PDZD2: variants seen among roughly 807,000 people sequenced by gnomAD.
The protein encoded by PDZD2 is PDZ domain containing 2, also known as PDZ domain-containing protein 2.
In PDZD2, 90 loss-of-function variants were observed where a neutral mutation model predicts 220.7. That is an observed-to-expected ratio of 0.41 (90% confidence interval 0.34 to 0.49). PDZD2 has a LOEUF of 0.49. Among genes scored for constraint, PDZD2 ranks in the 20% least tolerant of loss-of-function variants. The probability of loss-of-function intolerance (pLI) is 0.28; values close to 1 mark genes in which losing one functional copy is unlikely to be tolerated. For synonymous variants in PDZD2, 1,375 were observed against 1,450.5 expected (o/e 0.95, Z 1.18); for missense variants, 3,174 against 3,608.5 (o/e 0.88, Z 3.08).
intron 2 of PDZD2, among the ~76,000 whole-genome samples, chr5:31,916,392 T>C (rs1382314219): frequency 6.6e-6 from 1 of 152,212 alleles, no homozygotes; most frequent in African/African-American, 2.4e-5. Context: ...CAGTCAGGTG[T>C]AGAGGCCTGG....
intron 1 of PDZD2, among the ~76,000 whole-genome samples, chr5:31,681,526 G>A (rs1297050457): frequency 6.6e-6 from 1 of 151,924 alleles, no homozygotes; most frequent in African/African-American, 2.4e-5. Context: ...AGGATTACAG[G>A]CGTGAGCCTA....
At chr5:32,032,416 C>T (rs771569937) in intron 6 of PDZD2, among the ~76,000 whole-genome samples, 6 of 152,178 alleles carry the variant, frequency 3.9e-5, no homozygotes, top group East Asian at 1.9e-4. Flanking sequence ...TTCACTCTCT[C>T]GGTCGTTCCT....
At chr5:31,669,559 C>A (rs1746134996) in intron 1 of PDZD2, among the ~76,000 whole-genome samples, 1 of 152,144 alleles carries the variant, frequency 6.6e-6, no homozygotes, top group African/African-American at 2.4e-5. Context: ...CAAAGTGAAG[C>A]CTGCAAGGGG....
intron 2 of PDZD2, among the ~76,000 whole-genome samples, chr5:31,964,997 C>T (rs549292574): frequency 1.3e-5 from 2 of 152,308 alleles, no homozygotes; most frequent in South Asian, 4.1e-4. Context: ...GCTGGGATTA[C>T]AGGCATGAGC....
intron 1 of PDZD2, among the ~76,000 whole-genome samples, chr5:31,775,682 T>TGTGTGTGTGTGA (rs1752601333): frequency 1.3e-5 from 2 of 151,238 alleles, no homozygotes; most frequent in South Asian, 4.2e-4. Context: ...TGTGTGTGTG[T>TGTGTGTGTGTGA]GTGTGTGTGT....
chr5:31,881,189 C>T (rs896331323), intron 2 of PDZD2, among the ~76,000 whole-genome samples: 1 of 151,962 alleles, frequency 6.6e-6, no homozygotes, highest in African/African-American at 2.4e-5. Flanking sequence ...ATCTTTTTCT[C>T]TGTGGTCTAG....
At chr5:31,731,650 G>C (rs1006583505) in intron 1 of PDZD2, among the ~76,000 whole-genome samples, 1 of 152,062 alleles carries the variant, frequency 6.6e-6, no homozygotes, top group Admixed American at 6.6e-5. Flanking sequence ...TAATGTTGTC[G>C]TCTGTGTTGT....
chr5:31,781,199 A>G (rs1016209298), intron 1 of PDZD2, among the ~76,000 whole-genome samples: 1 of 152,322 alleles, frequency 6.6e-6, no homozygotes, highest in African/African-American at 2.4e-5. Flanking sequence ...AGATCACTTG[A>G]GGTCAGGAGT....
At chr5:31,713,766 C>T (rs959886461) in intron 1 of PDZD2, among the ~76,000 whole-genome samples, 1 of 152,190 alleles carries the variant, frequency 6.6e-6, no homozygotes, top group Non-Finnish European at 1.5e-5. Context: ...AGGCTGGTCT[C>T]AAACACCTGA....
Position 32,090,586 on chromosome 5 carries a change from G to A in PDZD2, c.7138G>A (p.Gly2380Arg), listed in dbSNP as rs369941121. The change falls in exon 20 of 25, where the codon GGG becomes AGG. Residue 2380 changes from glycine to arginine, a missense_variant. Physicochemically the swap from Gly to Arg is moderately radical, Grantham distance 125. Transcript: ENST00000438447. The surrounding 1 kb of genome is among the most constrained non-coding windows in gnomAD (Gnocchi z 4.3). ...GCGGTCTTCCGGCAGCATTGTTTCC[G>A]GGAGCCTGGGCCACCCAGGTGACGC... ...GRRSSGSIVS[G>R]SLGHPGDAAA... 44 of 1,613,794 alleles carry A rather than the reference G, an allele frequency of 2.7e-5. No individual in the cohort carries two copies. In the South Asian group the frequency reaches 3.7e-4, roughly 14 times the overall value.
Position 32,089,716 on chromosome 5 carries a change from C to T in PDZD2, c.6268C>T (p.Leu2090=), listed in dbSNP as rs114875003. 13,752 of 1,614,178 alleles carry T rather than the reference C, an allele frequency of 8.5e-3. 95 individuals carry two copies. Among genetic ancestry groups the T allele is most frequent in the Middle Eastern group, 0.04 (244 of 6,062 alleles). ...ASDRLERTNQ[L]KIVEISAEAV... is the part of the protein sequence containing the mutation. ...CGATCGCCTCGAAAGAACAAACCAGCTGAAAATCGTGGAGATTTCTGCTGA... is the reference window on the plus strand; with the variant it reads ...CGATCGCCTCGAAAGAACAAACCAGTTGAAAATCGTGGAGATTTCTGCTGA... Residue 2090 remains leucine, a synonymous_variant, in exon 20 of 25, where the codon CTG becomes TTG. Coordinates refer to ENST00000438447, the MANE Select transcript of PDZD2 (RefSeq NM_178140.4).
chr5:31,831,910 TCA>T (rs1491480341), intron 2 of PDZD2, among the ~76,000 whole-genome samples: 1 of 32,940 alleles, frequency 3.0e-5, no homozygotes. Flanking sequence ...TGAGACTGTT[TCA>T]AAAAAAAAAA....
rs1745189789 is a variant in PDZD2, at chr5:32,109,694, G to A, written c.*1559G>A. ...GTGCATTTGCCATACCTGTGTGCAT[G>A]ACACTAAGATTTTATGTTGGAGATA... On this transcript the variant is annotated 3_prime_UTR_variant, in exon 25 of 25. Transcript: ENST00000438447. The A allele has an allele frequency of 6.6e-6, 1 of 152,226 alleles. No individual in the cohort carries two copies. The highest frequency in any genetic ancestry group is 6.5e-5 in the Admixed American group (1 of 15,284). 9.4% of individuals were successfully genotyped at this position (152,226 alleles called of 1,614,324 possible).
At position 31,706,712 on chromosome 5, in the gene PDZD2, C is replaced by T. The variant is rs188129491; in HGVS notation, c.-361+67275C>T. Among the ~76,000 whole-genome samples, 626 of 151,966 alleles carry T rather than the reference C, an allele frequency of 4.1e-3. 2 individuals carry two copies. Among genetic ancestry groups the T allele is most frequent in the Non-Finnish European group, 7.2e-3 (489 of 67,948 alleles). ...TACAAAAATTAGCTGGGTGTGATGG[C>T]GGGCGCCTGTAATCCCAGCTACTTG... On this transcript the variant is annotated intron_variant, in intron 1 of 24. Coordinates refer to ENST00000438447, the MANE Select transcript of PDZD2 (RefSeq NM_178140.4).
intron 1 of PDZD2, among the ~76,000 whole-genome samples, chr5:31,737,548 T>C (rs1749983112): frequency 6.6e-6 from 1 of 152,188 alleles, no homozygotes; most frequent in African/African-American, 2.4e-5. Flanking sequence ...AATGTACATA[T>C]CCTCAAGAGA....
chr5:31,753,028 T>C (rs493276), intron 1 of PDZD2, among the ~76,000 whole-genome samples: 110,537 of 152,148 alleles, frequency 0.73, 40,675 homozygotes, highest in East Asian at 0.95. Flanking sequence ...TGAATTAAAA[T>C]GGACTTTCCT....
At chr5:31,968,700 G>C (rs923630268) in intron 2 of PDZD2, among the ~76,000 whole-genome samples, 9 of 152,136 alleles carry the variant, frequency 5.9e-5, no homozygotes, top group African/African-American at 1.9e-4. Context: ...ACTCCAGAGA[G>C]CTCCTTTACT....
intron 2 of PDZD2, among the ~76,000 whole-genome samples, chr5:31,869,420 G>A (rs1482327159): frequency 8.6e-5 from 13 of 152,036 alleles, no homozygotes; most frequent in Non-Finnish European, 1.3e-4. Context: ...AAAATTAGCC[G>A]GGCGTGGTGG....
At chr5:32,014,706 C>CTTTCTTTT (rs1753606212) in intron 6 of PDZD2, among the ~76,000 whole-genome samples, 2 of 95,424 alleles carry the variant, frequency 2.1e-5, no homozygotes, top group African/African-American at 8.7e-5. Context: ...ATGACAATTT[C>CTTTCTTTT]TTTTTTTTTT....
Sources: gnomAD v4.1 joint callset for allele counts (sites outside exome capture counted in the v4.1 genomes callset) on GRCh38, gnomAD v4.1.1 for gene constraint, Gnocchi (gnomAD v3.1) non-coding constraint, MANE v1.5 for transcripts, NCBI Gene and HGNC (gene_info 2026-07-23, HGNC 2026-07-21) for gene names.